Variants in P3H2 observed in about 807,000 individuals in gnomAD.
The protein encoded by P3H2 is leprecan-like 1.
Under a neutral mutation model 87.0 loss-of-function variants are expected in P3H2, and 80 were observed. That is an observed-to-expected ratio of 0.92 (90% CI 0.77 to 1.11). P3H2 has a LOEUF of 1.11. P3H2 is among the 50% of genes least tolerant of loss of function. P3H2 has a pLI of 0.00. For missense variants in P3H2, 1,001 were observed against 923.9 expected (o/e 1.08, Z -1.08); for synonymous variants, 367 against 359.3 (o/e 1.02, Z -0.24).
At chr3:190,104,107 T>C (rs1711738950) in intron 1 of P3H2, among the ~76,000 whole-genome samples, 1 of 152,138 alleles carries the variant, frequency 6.6e-6, no homozygotes, top group African/African-American at 2.4e-5. Flanking sequence ...TAGCTTTTTG[T>C]GGTAAAGTAT....
intron 1 of P3H2, among the ~76,000 whole-genome samples, chr3:190,111,725 ACT>A (rs1331167900): frequency 6.6e-6 from 1 of 152,076 alleles, no homozygotes; most frequent in Admixed American, 6.5e-5. Context: ...CTTGAATGTG[ACT>A]CTTTCTTTCT....
At chr3:189,958,885 A>G in intron 14 of P3H2, among the ~76,000 whole-genome samples, 1 of 150,904 alleles carries the variant, frequency 6.6e-6, no homozygotes, top group Non-Finnish European at 1.5e-5. Flanking sequence ...TTATATTTTT[A>G]CCATGTTGAC....
intron 13 of P3H2, chr3:189,970,004 A>T: frequency 1.7e-6 from 1 of 577,250 alleles, no homozygotes; most frequent in Non-Finnish European, 3.2e-6. Context: ...TGCTAACTAT[A>T]TGGTCTTTAA....
intron 1 of P3H2, among the ~76,000 whole-genome samples, chr3:190,083,206 TCTGAAAAATGCAA>T (rs1332180754): frequency 6.6e-6 from 1 of 152,160 alleles, no homozygotes; most frequent in Non-Finnish European, 1.5e-5. Context: ...AGACATATGG[TCTGAAAAATGCAA>T]AACATCTTAT....
chr3:189,975,580 T>C (rs924178351), intron 8 of P3H2, among the ~76,000 whole-genome samples: 4 of 152,086 alleles, frequency 2.6e-5, no homozygotes, highest in African/African-American at 7.2e-5. Flanking sequence ...TGCTTGTCCA[T>C]AGCAACAGCC....
intron 1 of P3H2, among the ~76,000 whole-genome samples, chr3:190,061,221 T>A (rs1258723498): frequency 6.6e-6 from 1 of 152,134 alleles, no homozygotes; most frequent in African/African-American, 2.4e-5. Context: ...AATAGCTCCT[T>A]CACTTTTTTT....
intron 1 of P3H2, among the ~76,000 whole-genome samples, chr3:190,055,155 C>T (rs759867418): frequency 1.3e-5 from 2 of 151,746 alleles, no homozygotes; most frequent in East Asian, 1.9e-4. Context: ...AAGGAGACCA[C>T]TGACCCCTGT....
At chr3:190,063,862 G>A (rs892694989) in intron 1 of P3H2, among the ~76,000 whole-genome samples, 1 of 152,030 alleles carries the variant, frequency 6.6e-6, no homozygotes, top group Non-Finnish European at 1.5e-5. Context: ...CTTTCTGCGA[G>A]AAATGAATTT....
chr3:190,017,912 CAT>C lies in P3H2; in HGVS notation c.481-22472_481-22471del, dbSNP rs539747794. ...AGAGAACTTGCTAATGCCATAGACA[CAT>C]ATGTCTCTGTATATACACAGAAATA... On this transcript the variant is annotated intron_variant, in intron 1 of 14. Coordinates refer to ENST00000319332, the MANE Select transcript of P3H2 (RefSeq NM_018192.4). Among the ~76,000 whole-genome samples, 388 of 152,336 alleles carry C rather than the reference CAT, an allele frequency of 2.5e-3. 1 individual carries two copies. Among genetic ancestry groups the C allele is most frequent in the African/African-American group, 9.0e-3 (375 of 41,582 alleles).
chr3:190,104,712 T>C (rs576225560), intron 1 of P3H2, among the ~76,000 whole-genome samples: 2 of 152,298 alleles, frequency 1.3e-5, no homozygotes, highest in South Asian at 4.1e-4. Flanking sequence ...TCCTGATCAG[T>C]TGTAATAAAT....
chr3:190,013,362 A>G (rs975928612), intron 1 of P3H2, among the ~76,000 whole-genome samples: 4 of 152,258 alleles, frequency 2.6e-5, no homozygotes, highest in South Asian at 4.1e-4. Flanking sequence ...GTTTTTCAAA[A>G]GAACTTTAGT....
At chr3:190,052,841 C>T (rs566982579) in intron 1 of P3H2, among the ~76,000 whole-genome samples, 13 of 152,252 alleles carry the variant, frequency 8.5e-5, no homozygotes, top group Admixed American at 3.3e-4. Flanking sequence ...ATCCACACAG[C>T]GATCAAGACA....
At chr3:190,098,468 G>A (rs1711506655) in intron 1 of P3H2, among the ~76,000 whole-genome samples, 1 of 152,142 alleles carries the variant, frequency 6.6e-6, no homozygotes, top group South Asian at 2.1e-4. Context: ...ATAGATGATA[G>A]ATAGCCCATT....
At position 189,994,107 on chromosome 3, in the gene P3H2, ATACAGACCAGCCT is replaced by A. The variant is rs769610817; in HGVS notation, c.797_809del (p.Lys266MetfsTer19). On this transcript the variant is annotated frameshift_variant, in exon 3 of 15. Transcript: ENST00000319332. LOFTEE classifies it high-confidence loss of function. ...TTAAGCTTTTACCTGCAATAGCTTCATACAGACCAGCCTTATACCCTAAATACTCATATTCTTC... is the reference window on the plus strand; with the variant it reads ...TTAAGCTTTTACCTGCAATAGCTTCATATACCCTAAATACTCATATTCTTC... 1.2e-5 allele frequency: 19 copies of A among 1,612,680 alleles called. No homozygotes were observed. In the South Asian group the frequency reaches 2.1e-4, roughly 18 times the overall value.
chr3:190,116,050 C>G (rs767285954), intron 1 of P3H2, among the ~76,000 whole-genome samples: 4 of 151,980 alleles, frequency 2.6e-5, no homozygotes, highest in African/African-American at 4.8e-5. Context: ...TAAGTAATAA[C>G]GAAATTATCA....
chr3:190,085,755 C>G (rs1408710963), intron 1 of P3H2, among the ~76,000 whole-genome samples: 1 of 151,980 alleles, frequency 6.6e-6, no homozygotes. Flanking sequence ...TATTAATTAT[C>G]CCTCTATTCA....
At chr3:190,073,676 G>A (rs1411556236) in intron 1 of P3H2, among the ~76,000 whole-genome samples, 1 of 152,158 alleles carries the variant, frequency 6.6e-6, no homozygotes, top group East Asian at 1.9e-4. Context: ...GAATTTCTAA[G>A]GCTCAGTTAC....
rs780114211 is a variant in P3H2 at position 190,120,423 on chromosome 3, G to T, written c.309C>A (p.Pro103=). 5 of 1,472,694 alleles carry T rather than the reference G, an allele frequency of 3.4e-6. No homozygotes were observed. The highest frequency in any genetic ancestry group is 2.7e-5 in the South Asian group (2 of 74,720). 91.2% of individuals were successfully genotyped at this position (1,472,694 alleles called of 1,614,324 possible). ...AGCGGAAAAGGGGCAGCTCAGCGCC[G>T]GGGCCCTCGCCGGGGGGCGGGGGCG... ...PLPPPPPGEG[P]GAELPLFRSL... Residue 103 remains proline (P), a synonymous_variant, in exon 1 of 15, where the codon CCC becomes CCA. Coordinates refer to ENST00000319332, the MANE Select transcript of P3H2 (RefSeq NM_018192.4).
intron 1 of P3H2, among the ~76,000 whole-genome samples, chr3:190,041,914 CA>C (rs1452382525): frequency 6.6e-5 from 10 of 152,086 alleles, no homozygotes; most frequent in South Asian, 2.1e-4. Context: ...ATCACTTACC[CA>C]GTTTGTTTAT....
Sources: allele counts gnomAD v4.1 joint callset (sites outside exome capture counted in the v4.1 genomes callset), GRCh38; gene constraint gnomAD v4.1.1; transcripts MANE v1.5; gene names NCBI Gene and HGNC (gene_info 2026-07-23, HGNC 2026-07-21).